The following GAS2 variants were observed in gnomAD, a reference collection of about 807,000 sequenced individuals.
The protein encoded by GAS2 is growth arrest-specific protein 2.
Under a neutral mutation model 37.5 loss-of-function variants are expected in GAS2, and 20 were observed. That is an observed-to-expected ratio of 0.53 (90% CI 0.37 to 0.77). GAS2 has a LOEUF of 0.77. Among genes scored for constraint, GAS2 ranks in the 30% least tolerant of loss-of-function variants. GAS2 has a pLI of 0.00. For missense variants in GAS2, 336 were observed against 373.4 expected, an observed-to-expected ratio of 0.90 and a Z score of 0.82; for synonymous variants, 144 against 132.2, an observed-to-expected ratio of 1.09 and a Z score of -0.61.
chr11:22,748,970 A>G, intron 5 of GAS2, 150 bp from the exon 6 acceptor site: 1 of 762,622 alleles, frequency 1.3e-6, no homozygotes, highest in Non-Finnish European at 2.1e-6. Flanking sequence ...ATGCTAATTC[A>G]AGAGCTTACA....
At chr11:22,674,825 A>C in intron 1 of GAS2, 25 bp from the exon 2 acceptor site, 1 of 1,540,112 alleles carries the variant, frequency 6.5e-7, no homozygotes, top group Non-Finnish European at 8.8e-7. Context: ...TATAAAAAGC[A>C]ATTGCTCTTT....
intron 3 of GAS2, among the ~76,000 whole-genome samples, chr11:22,709,830 G>C (rs537386909): frequency 2.6e-4 from 39 of 152,062 alleles, no homozygotes; most frequent in Non-Finnish European, 4.3e-4. Flanking sequence ...ACTATGCAGC[G>C]GTAAAAAATG....
chr11:22,629,330 C>T (rs1384664229), intron 1 of GAS2, among the ~76,000 whole-genome samples: 1 of 152,100 alleles, frequency 6.6e-6, no homozygotes, highest in African/African-American at 2.4e-5. Context: ...GTGCCAGCAT[C>T]TATTGTTTTT....
intron 3 of GAS2, among the ~76,000 whole-genome samples, chr11:22,701,331 TTGAGTA>T (rs1230428349): frequency 2.6e-5 from 4 of 152,128 alleles, no homozygotes; most frequent in African/African-American, 7.2e-5. Flanking sequence ...ATTGGATAGT[TTGAGTA>T]TATGTTAGCA....
chr11:22,714,504 A>T (rs1396880601), intron 3 of GAS2, among the ~76,000 whole-genome samples: 1 of 152,194 alleles, frequency 6.6e-6, no homozygotes, highest in Non-Finnish European at 1.5e-5. Context: ...GTGGACTTAA[A>T]CTATACCCTA....
chr11:22,731,661 T>A (rs1418672947), intron 4 of GAS2, among the ~76,000 whole-genome samples: 2 of 151,700 alleles, frequency 1.3e-5, no homozygotes, highest in African/African-American at 4.8e-5. Flanking sequence ...TTTCTTAAAG[T>A]CACGTGTTGC....
At chr11:22,799,501 G>C (rs552845259) in intron 7 of GAS2, among the ~76,000 whole-genome samples, 52 of 151,792 alleles carry the variant, frequency 3.4e-4, no homozygotes, top group African/African-American at 1.3e-3. Flanking sequence ...TTCTTCTTCT[G>C]TTTCTCTCTT....
chr11:22,688,205 T>A (rs1850060625), intron 3 of GAS2: 1 of 152,218 alleles, frequency 6.6e-6, no homozygotes, highest in Non-Finnish European at 1.5e-5. Flanking sequence ...GGATTAATAA[T>A]TACATATGTA....
At chr11:22,784,747 T>C (rs1285748309) in intron 7 of GAS2, among the ~76,000 whole-genome samples, 1 of 152,198 alleles carries the variant, frequency 6.6e-6, no homozygotes, top group Non-Finnish European at 1.5e-5. Context: ...TTCTCATAAG[T>C]AGCCTAAATC....
At chr11:22,671,731 G>A (rs1439301477) in intron 1 of GAS2, among the ~76,000 whole-genome samples, 1 of 151,896 alleles carries the variant, frequency 6.6e-6, no homozygotes, top group Admixed American at 6.6e-5. Flanking sequence ...TTACAAGGAG[G>A]GTAAAATTCC....
intron 1 of GAS2, among the ~76,000 whole-genome samples, chr11:22,641,213 T>C (rs1017326601): frequency 1.4e-5 from 2 of 144,742 alleles, no homozygotes; most frequent in African/African-American, 5.0e-5. Flanking sequence ...TATATATATA[T>C]ATATATGTGT....
At chr11:22,643,472 A>AC (rs1298309405) in intron 1 of GAS2, among the ~76,000 whole-genome samples, 1 of 151,802 alleles carries the variant, frequency 6.6e-6, no homozygotes, top group Admixed American at 6.6e-5. Context: ...AAAAAAAAAA[A>AC]AACGATATAG....
intron 7 of GAS2, among the ~76,000 whole-genome samples, chr11:22,795,969 G>C (rs76895713): frequency 6.6e-6 from 1 of 152,132 alleles, no homozygotes; most frequent in African/African-American, 2.4e-5. Context: ...ATATTTTACT[G>C]TGAAAATTTT....
intron 1 of GAS2, among the ~76,000 whole-genome samples, chr11:22,671,674 C>T (rs1023047543): frequency 3.9e-5 from 6 of 151,974 alleles, no homozygotes; most frequent in Admixed American, 1.3e-4. Flanking sequence ...TTGTTCTTTA[C>T]GATGTAATTC....
intron 3 of GAS2, among the ~76,000 whole-genome samples, chr11:22,717,284 G>A (rs1851728785): frequency 6.6e-6 from 1 of 152,124 alleles, no homozygotes; most frequent in Admixed American, 6.6e-5. Flanking sequence ...AGTATGGTAT[G>A]ATATAAAAAT....
chr11:22,731,652 TTCTTAAAG>T lies in GAS2; in HGVS notation c.409+5222_409+5229del, dbSNP rs376550143. Among the ~76,000 whole-genome samples, 52 of 151,926 alleles carry T rather than the reference TTCTTAAAG, an allele frequency of 3.4e-4. No homozygotes were observed. In the East Asian group the frequency reaches 7.2e-3, roughly 21 times the overall value. On this transcript the variant is annotated intron_variant, in intron 4 of 7. Coordinates refer to ENST00000454584, the MANE Select transcript of GAS2 (RefSeq NM_001143830.3). ...TAAATATTAGCATTTTCCATTTCAT[TTCTTAAAG>T]TCACGTGTTGCATCAGAAAAAGAAT... is the stretch of plus-strand genomic sequence containing the variant.
intron 3 of GAS2, among the ~76,000 whole-genome samples, chr11:22,725,558 A>C (rs558696353): frequency 2.0e-5 from 3 of 152,030 alleles, no homozygotes. Context: ...CTCCCCAAGT[A>C]GCTGGGACCA....
intron 7 of GAS2, among the ~76,000 whole-genome samples, chr11:22,792,839 C>T (rs4997337): frequency 0.86 from 130,300 of 152,204 alleles, 55,884 homozygotes; most frequent in Admixed American, 0.91. Flanking sequence ...GGAAGTGAGC[C>T]CCAAGCTTCA....
At chr11:22,730,606 T>A (rs1161517547) in intron 4 of GAS2, among the ~76,000 whole-genome samples, 1 of 151,758 alleles carries the variant, frequency 6.6e-6, no homozygotes, top group East Asian at 1.9e-4. Context: ...TCAATAACAT[T>A]TTCATTAGAT....
Sources: allele counts gnomAD v4.1 joint callset (sites outside exome capture counted in the v4.1 genomes callset), GRCh38; gene constraint gnomAD v4.1.1; transcripts MANE v1.5; gene names NCBI Gene and HGNC (gene_info 2026-07-23, HGNC 2026-07-21).